Variants in GPC6 observed in about 807,000 individuals in gnomAD.
GPC6 encodes glypican-6.
A neutral mutation model predicts 55.2 loss-of-function variants in GPC6; 14 were observed. The ratio of observed to expected loss-of-function variants is 0.25; its 90% CI spans 0.17 to 0.40. The LOEUF is 0.40. Ranked by LOEUF, GPC6 falls within the 10% of genes least tolerant of loss-of-function variation. The probability of loss-of-function intolerance (pLI) is 1.00; values close to 1 mark genes in which losing one functional copy is unlikely to be tolerated. For missense variants in GPC6, 641 were observed against 708.5 expected, an observed-to-expected ratio of 0.90 and a Z score of 1.08; for synonymous variants, 278 against 259.6, an observed-to-expected ratio of 1.07 and a Z score of -0.68.
At chr13:93,814,162 C>T (rs1402890150) in intron 2 of GPC6, among the ~76,000 whole-genome samples, 1 of 152,062 alleles carries the variant, frequency 6.6e-6, no homozygotes, top group Non-Finnish European at 1.5e-5. Flanking sequence ...TTGAGGATTA[C>T]TCATTGCTAT....
intron 2 of GPC6, among the ~76,000 whole-genome samples, chr13:93,666,381 G>A (rs981976971): frequency 6.6e-6 from 1 of 151,664 alleles, no homozygotes; most frequent in Non-Finnish European, 1.5e-5. Flanking sequence ...AACTGAAAAA[G>A]GGCATGGGAA....
chr13:94,153,244 C>T (rs1887808172), intron 4 of GPC6, among the ~76,000 whole-genome samples: 1 of 152,064 alleles, frequency 6.6e-6, no homozygotes. Context: ...GAGTCAGATT[C>T]CATTCACCAG....
intron 1 of GPC6, among the ~76,000 whole-genome samples, chr13:93,453,751 G>A (rs1250437845): frequency 6.6e-6 from 1 of 151,568 alleles, no homozygotes. Context: ...TGGTCTGGCT[G>A]ACTTGAGGAG....
chr13:94,270,964 ATTTTTTTTTTTTTTTTTTTTT>A (rs764819082), intron 4 of GPC6, among the ~76,000 whole-genome samples: 8 of 49,672 alleles, frequency 1.6e-4, no homozygotes, highest in African/African-American at 4.8e-4. Context: ...GAGAAGTATA[ATTTTTTTTTTTTTTTTTTTTT>A]TTTTTTTTTT....
At chr13:93,640,908 CT>C (rs112616361) in intron 2 of GPC6, among the ~76,000 whole-genome samples, 3 of 148,308 alleles carry the variant, frequency 2.0e-5, no homozygotes, top group Admixed American at 6.8e-5. Context: ...CTTTTCCTTC[CT>C]TTTTTTCTCT....
intron 6 of GPC6, among the ~76,000 whole-genome samples, chr13:94,332,585 T>C (rs1877480262): frequency 6.6e-6 from 1 of 152,232 alleles, no homozygotes; most frequent in African/African-American, 2.4e-5. Flanking sequence ...GGCATGGAGA[T>C]ACCAAAATGC....
chr13:94,015,776 T>C (rs1399129476), intron 3 of GPC6, among the ~76,000 whole-genome samples: 1 of 152,162 alleles, frequency 6.6e-6, no homozygotes, highest in African/African-American at 2.4e-5. Context: ...CCTTGAATGG[T>C]CTTTGCACGC....
At position 94,397,963 on chromosome 13, in the gene GPC6, C is replaced by G. The variant is rs535057413; in HGVS notation, c.1290-503C>G. 4.6e-5 allele frequency among the ~76,000 whole-genome samples: 7 copies of G among 152,276 alleles called. No individual in the cohort carries two copies. The East Asian group carries it at 1.4e-3, about 29-fold the overall frequency. ...TCATGATAGTGAGTTCTCACAACATCTGATGGTTTTATAAGGGGCATTTCC... is the reference window on the plus strand; with the variant it reads ...TCATGATAGTGAGTTCTCACAACATGTGATGGTTTTATAAGGGGCATTTCC... On this transcript the variant is annotated intron_variant, in intron 7 of 8. Transcript: ENST00000377047.
intron 6 of GPC6, among the ~76,000 whole-genome samples, chr13:94,328,977 G>A (rs555958917): frequency 6.6e-6 from 1 of 152,330 alleles, no homozygotes; most frequent in African/African-American, 2.4e-5. Context: ...TGACCCCTCT[G>A]AACATTGACC....
At chr13:93,989,906 A>C (rs543833155) in intron 3 of GPC6, among the ~76,000 whole-genome samples, 1 of 133,818 alleles carries the variant, frequency 7.5e-6, no homozygotes, top group Non-Finnish European at 1.6e-5. Flanking sequence ...GTGTGTGTAT[A>C]TATATATACA....
At chr13:93,664,148 CTA>C (rs541399165) in intron 2 of GPC6, among the ~76,000 whole-genome samples, 435 of 152,148 alleles carry the variant, frequency 2.9e-3, no homozygotes, top group African/African-American at 1.0e-2. Flanking sequence ...AAGGATATAA[CTA>C]TATAATTTAT....
chr13:93,743,322 C>T (rs1440729626), intron 2 of GPC6, among the ~76,000 whole-genome samples: 1 of 151,908 alleles, frequency 6.6e-6, no homozygotes, highest in African/African-American at 2.4e-5. Flanking sequence ...CTAATGCTTA[C>T]AATAAGTGTT....
At chr13:93,220,321 C>T in the GPC6 span, among the ~76,000 whole-genome samples, 1 of 152,178 alleles carries the variant, frequency 6.6e-6, no homozygotes, top group Non-Finnish European at 1.5e-5. Context: ...CTTCATTCAT[C>T]CTTCACAAAA....
intron 1 of GPC6, among the ~76,000 whole-genome samples, chr13:93,521,456 T>G: frequency 6.6e-6 from 1 of 152,136 alleles, no homozygotes; most frequent in Admixed American, 6.6e-5. Context: ...ATTCTGGACC[T>G]ATTAATGCTT....
intron 1 of GPC6, among the ~76,000 whole-genome samples, chr13:93,382,095 T>C (rs1322068494): frequency 6.6e-6 from 1 of 152,130 alleles, no homozygotes; most frequent in Non-Finnish European, 1.5e-5. Flanking sequence ...TTTCAACTTG[T>C]CCAAAGTTTG....
At chr13:93,793,038 G>A (rs184665585) in intron 2 of GPC6, among the ~76,000 whole-genome samples, 22 of 152,220 alleles carry the variant, frequency 1.4e-4, no homozygotes, top group Admixed American at 9.2e-4. Flanking sequence ...GAATAATGCC[G>A]GCGAAATTTG....
chr13:94,165,164 C>T (rs935469579), intron 4 of GPC6, among the ~76,000 whole-genome samples: 6 of 149,786 alleles, frequency 4.0e-5, no homozygotes, highest in Non-Finnish European at 1.5e-5. Context: ...TATCAGTCAA[C>T]GAGTGGATAA....
At chr13:93,947,470 A>C (rs999557335) in intron 3 of GPC6, among the ~76,000 whole-genome samples, 1 of 152,212 alleles carries the variant, frequency 6.6e-6, no homozygotes, top group Non-Finnish European at 1.5e-5. Flanking sequence ...TTTACTATGA[A>C]AAACAGTTGA....
chr13:93,843,163 G>A (rs1358915332), intron 3 of GPC6, among the ~76,000 whole-genome samples: 2 of 150,138 alleles, frequency 1.3e-5, no homozygotes, highest in Non-Finnish European at 3.0e-5. Flanking sequence ...ATATATCTGG[G>A]TATCTCTTAC....
Sources: gnomAD v4.1 joint callset for allele counts (sites outside exome capture counted in the v4.1 genomes callset) on GRCh38, gnomAD v4.1.1 for gene constraint, MANE v1.5 for transcripts, NCBI Gene and HGNC (gene_info 2026-07-23, HGNC 2026-07-21) for gene names.